The following WDFY2 variants were observed in gnomAD, a reference collection of about 807,000 sequenced individuals.
WDFY2 encodes WD repeat and FYVE domain containing 2.
WDFY2 carries 36 observed loss-of-function variants against 56.4 expected under a neutral mutation model. The ratio of observed to expected loss-of-function variants is 0.64; its 90% CI spans 0.49 to 0.84. The LOEUF (loss-of-function observed/expected upper bound fraction) is 0.84. Ranked by LOEUF, WDFY2 falls within the 40% of genes least tolerant of loss-of-function variation. The probability of loss-of-function intolerance (pLI) is 0.00; values close to 1 mark genes in which losing one functional copy is unlikely to be tolerated. For missense variants in WDFY2, 444 were observed against 512.2 expected (o/e 0.87, Z 1.29); for synonymous variants, 176 against 183.7 (o/e 0.96, Z 0.34).
At chr13:51,679,973 A>G (rs1955950796) in intron 3 of WDFY2, among the ~76,000 whole-genome samples, 2 of 152,056 alleles carry the variant, frequency 1.3e-5, no homozygotes, top group South Asian at 4.2e-4. Flanking sequence ...TGCCCACGCC[A>G]AAGAGCAGTG....
At chr13:51,703,747 G>A in intron 4 of WDFY2, 97 bp downstream of exon 4, 1 of 1,064,556 alleles carries the variant, frequency 9.4e-7, no homozygotes, top group South Asian at 1.6e-5. Flanking sequence ...CAATCATCAG[G>A]GAAACAAAAC....
At chr13:51,707,105 T>A (rs770743154) in intron 4 of WDFY2, among the ~76,000 whole-genome samples, 2 of 152,196 alleles carry the variant, frequency 1.3e-5, no homozygotes, top group Non-Finnish European at 2.9e-5. Flanking sequence ...CACAGACAGA[T>A]TAGTGGAGTG....
intron 3 of WDFY2, 68 bp from the exon 4 acceptor site, chr13:51,703,528 G>A (rs912093498): frequency 1.7e-5 from 21 of 1,243,604 alleles, no homozygotes; most frequent in Non-Finnish European, 2.4e-5. Flanking sequence ...ATTCAGTCTG[G>A]TTTTACCAAA....
intron 1 of WDFY2, among the ~76,000 whole-genome samples, chr13:51,646,447 C>T (rs372401694): frequency 3.1e-4 from 47 of 152,326 alleles, no homozygotes; most frequent in East Asian, 2.9e-3. Flanking sequence ...CCCACGTGCC[C>T]CTATCACAGC....
At chr13:51,656,053 CTTTTT>C (rs545474478) in intron 1 of WDFY2, among the ~76,000 whole-genome samples, 1 of 133,546 alleles carries the variant, frequency 7.5e-6, no homozygotes, top group East Asian at 2.1e-4. Flanking sequence ...CTATCTTTCC[CTTTTT>C]TTTTTTTTTT....
chr13:51,679,935 C>A (rs545905380), intron 3 of WDFY2, among the ~76,000 whole-genome samples: 5 of 151,974 alleles, frequency 3.3e-5, no homozygotes, highest in East Asian at 3.9e-4. Context: ...TAAAAAAAAA[C>A]AAAACAAAAC....
chr13:51,719,425 G>A, intron 5 of WDFY2, 77 bp downstream of exon 5: 3 of 1,481,920 alleles, frequency 2.0e-6, no homozygotes, highest in Non-Finnish European at 2.7e-6. Flanking sequence ...TTTGGGGTAT[G>A]TGCAGCTTGA....
chr13:51,752,726 C>G (rs1239826771), intron 8 of WDFY2: 1 of 152,208 alleles, frequency 6.6e-6, no homozygotes, highest in Non-Finnish European at 1.5e-5. Flanking sequence ...ATAGAGGCAT[C>G]CAATACTATT....
intron 1 of WDFY2, among the ~76,000 whole-genome samples, chr13:51,603,509 G>A (rs1354727739): frequency 6.6e-6 from 1 of 152,108 alleles, no homozygotes; most frequent in Non-Finnish European, 1.5e-5. Flanking sequence ...CATCAACCTG[G>A]CCATACTTTC....
At chr13:51,640,048 G>T (rs1347305983) in intron 1 of WDFY2, among the ~76,000 whole-genome samples, 3 of 152,228 alleles carry the variant, frequency 2.0e-5, no homozygotes, top group African/African-American at 7.2e-5. Flanking sequence ...TATTCAAGGT[G>T]GTTCATTCAT....
chr13:51,584,463 T>A lies in WDFY2; in HGVS notation c.-225T>A, dbSNP rs1044446723. 23 of 541,014 alleles carry A rather than the reference T, an allele frequency of 4.3e-5. No homozygotes were observed. Among genetic ancestry groups the A allele is most frequent in the Non-Finnish European group, 6.9e-5 (22 of 319,436 alleles). The allele number at this position is 541,014 out of a possible 1,614,324, so 33.5% of individuals were successfully genotyped here. The stretch of plus-strand genomic sequence containing the variant: ...CCCGGCGCTCCGCCCCCTCCTCTTG[T>A]AGTGGCGCCGGCTTGCATCCCAGGT... On this transcript the variant is annotated 5_prime_UTR_variant, in exon 1 of 12. Transcript: ENST00000298125.
intron 1 of WDFY2, among the ~76,000 whole-genome samples, chr13:51,644,484 T>C (rs1296051684): frequency 3.2e-4 from 49 of 152,232 alleles, no homozygotes; most frequent in Non-Finnish European, 1.5e-5. Flanking sequence ...TTCTAAATTG[T>C]GAAGGCTTTC....
intron 1 of WDFY2, among the ~76,000 whole-genome samples, chr13:51,659,936 C>T (rs949528684): frequency 6.6e-6 from 1 of 152,132 alleles, no homozygotes; most frequent in Non-Finnish European, 1.5e-5. Context: ...CCAAATAGTT[C>T]CCCAGCCAGA....
chr13:51,584,464 A>G lies in WDFY2; in HGVS notation c.-224A>G. ...CCGGCGCTCCGCCCCCTCCTCTTGT[A>G]GTGGCGCCGGCTTGCATCCCAGGTC... is the stretch of plus-strand genomic sequence containing the variant. On this transcript the variant is annotated 5_prime_UTR_variant, in exon 1 of 12. Transcript: ENST00000298125. 1 of 529,476 alleles carries G rather than the reference A, an allele frequency of 1.9e-6. No homozygotes were observed. The highest frequency in any genetic ancestry group is 3.2e-6 in the Non-Finnish European group (1 of 311,774). 32.8% of individuals were successfully genotyped at this position (529,476 alleles called of 1,614,324 possible). A position where few individuals can be genotyped will look rare whatever the true frequency, so the allele number is the denominator to read the frequency against.
intron 1 of WDFY2, among the ~76,000 whole-genome samples, chr13:51,631,972 G>A (rs940723334): frequency 6.6e-6 from 1 of 152,000 alleles, no homozygotes; most frequent in Non-Finnish European, 1.5e-5. Flanking sequence ...CTACAGATAA[G>A]GTATGTGGAA....
intron 3 of WDFY2, among the ~76,000 whole-genome samples, chr13:51,695,471 C>G (rs189882032): frequency 0.017 from 2,516 of 152,232 alleles, 72 homozygotes; most frequent in Admixed American, 0.058. Flanking sequence ...TGCCTGGGTA[C>G]CAGCAGCGAT....
chr13:51,634,265 T>G (rs1282431889), intron 1 of WDFY2, among the ~76,000 whole-genome samples: 5 of 142,754 alleles, frequency 3.5e-5, no homozygotes, highest in Non-Finnish European at 6.2e-5. Context: ...CCTAGAAGTG[T>G]TTTTTTTTTT....
chr13:51,749,103 T>A (rs1436629781), intron 7 of WDFY2, among the ~76,000 whole-genome samples: 1 of 152,218 alleles, frequency 6.6e-6, no homozygotes, highest in African/African-American at 2.4e-5. Context: ...GTCATTTTTC[T>A]CATCAAAATT....
chr13:51,759,949 G>C lies in WDFY2; in HGVS notation c.*180G>C. 1 of 581,506 alleles carries C rather than the reference G, an allele frequency of 1.7e-6. No homozygotes were observed. The highest frequency in any genetic ancestry group is 2.7e-5 in the South Asian group (1 of 37,358). 36.0% of individuals were successfully genotyped at this position (581,506 alleles called of 1,614,324 possible). On this transcript the variant is annotated 3_prime_UTR_variant, in exon 12 of 12. Transcript: ENST00000298125. ...CCTGGCCAGTGAGCACTCGCAAGGG[G>C]ACTCTTCCAACTTGTTCATACAATA...
Sources: gnomAD v4.1 joint callset for allele counts (sites outside exome capture counted in the v4.1 genomes callset) on GRCh38, gnomAD v4.1.1 for gene constraint, MANE v1.5 for transcripts, NCBI Gene and HGNC (gene_info 2026-07-23, HGNC 2026-07-21) for gene names.